Variants in TEX11 observed in about 807,000 individuals in gnomAD.
The protein encoded by TEX11 is testis expressed 11.
Under a neutral mutation model 84.4 loss-of-function variants are expected in TEX11, and 7 were observed. The observed-to-expected ratio is 0.08, with a 90% CI of 0.05 to 0.16. TEX11 has a LOEUF of 0.16. TEX11 is among the 10% of genes least tolerant of loss of function. The probability of loss-of-function intolerance (pLI) is 1.00; values close to 1 mark genes in which losing one functional copy is unlikely to be tolerated. For synonymous variants in TEX11, 264 were observed against 222.8 expected (o/e 1.18, Z -1.64); for missense variants, 551 against 660.5 (o/e 0.83, Z 1.82).
the TEX11 span, among the ~76,000 whole-genome samples, chrX:70,521,080 C>T: frequency 9.9e-5 from 11 of 111,387 alleles, no homozygotes; most frequent in African/African-American, 3.6e-4. Flanking sequence ...TCCCCTGACC[C>T]CTTGTGCTTC....
intron 13 of TEX11, among the ~76,000 whole-genome samples, chrX:70,699,430 A>G (rs1370526336): frequency 1.8e-5 from 2 of 111,340 alleles, no homozygotes; most frequent in Non-Finnish European, 3.8e-5. Context: ...CAAAGACCCA[A>G]CGAAATCCCA....
intron 3 of TEX11, among the ~76,000 whole-genome samples, chrX:70,879,178 T>C (rs1232093545): frequency 1.8e-5 from 2 of 110,766 alleles, no homozygotes; most frequent in East Asian, 5.6e-4. Context: ...CGGTTTCTTT[T>C]TGAGGTGATG....
chrX:70,552,361 T>C, intron 27 of TEX11, 115 bp from the exon 28 acceptor site: 1 of 938,474 alleles, frequency 1.1e-6, no homozygotes, highest in East Asian at 3.4e-5. Context: ...ACACTTCTGT[T>C]CTTCCCTCGG....
intron 7 of TEX11, among the ~76,000 whole-genome samples, chrX:70,842,537 C>A (rs1030939747): frequency 8.9e-6 from 1 of 111,983 alleles, no homozygotes; most frequent in Non-Finnish European, 1.9e-5. Flanking sequence ...ACTGAATGGG[C>A]AAACACTGGA....
intron 16 of TEX11, among the ~76,000 whole-genome samples, chrX:70,658,537 C>A (rs1160947698): frequency 2.7e-5 from 3 of 111,240 alleles, no homozygotes; most frequent in Non-Finnish European, 5.7e-5. Flanking sequence ...TGAAGACTAA[C>A]AAGAAGAAAG....
downstream of TEX11, among the ~76,000 whole-genome samples, chrX:70,524,582 T>A (rs745639077): frequency 6.0e-4 from 68 of 112,887 alleles, no homozygotes; most frequent in Admixed American, 1.1e-3. Flanking sequence ...TGTTTGTTTT[T>A]TTGAGATGGA....
chrX:70,697,384 T>C (rs2090289304), intron 13 of TEX11, among the ~76,000 whole-genome samples: 1 of 111,849 alleles, frequency 8.9e-6, no homozygotes, highest in Non-Finnish European at 1.9e-5. Flanking sequence ...TGAGGTCGCA[T>C]GGTCATTTAG....
chrX:70,575,624 C>A (rs909197297), intron 25 of TEX11, among the ~76,000 whole-genome samples: 1 of 111,452 alleles, frequency 9.0e-6, no homozygotes, highest in Non-Finnish European at 1.9e-5. Flanking sequence ...GATCCTTGAC[C>A]GTAGACTTCC....
At position 70,860,899 on chromosome X, in the gene TEX11, T is replaced by C; in HGVS notation, c.282A>G (p.Glu94=). 1 of 1,192,236 alleles carries C rather than the reference T, an allele frequency of 8.4e-7. No individual in the cohort carries two copies. Among genetic ancestry groups the C allele is most frequent in the African/African-American group, 1.8e-5 (1 of 56,463 alleles). The change falls in exon 5 of 30, where the codon GAA becomes GAG. Residue 94 remains glutamate, a synonymous_variant. Transcript: ENST00000374333. ...YVACKLLSMC[E]ASFASEQSIQ... ...TACTTTGTTCTGAGGCAAATGAGGC[T>C]TCACACATACTCAGCAACTTGCAAG...
chrX:70,860,445 G>A (rs6625698), intron 5 of TEX11, among the ~76,000 whole-genome samples: 43,061 of 110,305 alleles, frequency 0.39, 6,893 homozygotes, highest in East Asian at 0.56. Flanking sequence ...GCTAGTAAGC[G>A]GCAGACCTAA....
At chrX:70,876,919 A>G (rs1008504761) in intron 3 of TEX11, among the ~76,000 whole-genome samples, 27 of 111,059 alleles carry the variant, frequency 2.4e-4, no homozygotes, top group African/African-American at 8.8e-4. Flanking sequence ...AAACAAACAA[A>G]CAAACAAACA....
chrX:70,857,472 C>A, intron 5 of TEX11: 1 of 179,243 alleles, frequency 5.6e-6, no homozygotes. Flanking sequence ...TCTGAAGTCA[C>A]CTCAGAGTAA....
chrX:70,656,186 G>T (rs1175593666), intron 16 of TEX11, among the ~76,000 whole-genome samples: 2 of 108,963 alleles, frequency 1.8e-5, no homozygotes, highest in Non-Finnish European at 3.8e-5. Flanking sequence ...CACTTTGGGA[G>T]GCTGAGGTGA....
chrX:70,610,521 A>G lies in TEX11; in HGVS notation c.1774T>C (p.Leu592=), dbSNP rs143175186. ...EDKKKEMDRL[L]TCLNRAFVKL... Reference sequence around the variant, plus strand: ...TATTTACCTCTATTCAGGCAAGTCAAAAGTCGATCCATTTCTTTCTTCCTA... The same window carrying G: ...TATTTACCTCTATTCAGGCAAGTCAGAAGTCGATCCATTTCTTTCTTCCTA... The change falls in exon 21 of 30, where the codon TTG becomes CTG. Residue 592 remains leucine, a synonymous_variant. Coordinates refer to ENST00000374333, the MANE Select transcript of TEX11 (RefSeq NM_031276.3). 6.5e-5 allele frequency: 79 copies of G among 1,206,115 alleles called. No individual in the cohort carries two copies. Among genetic ancestry groups the G allele is most frequent in the Non-Finnish European group, 8.3e-5 (74 of 893,165 alleles).
At chrX:70,696,778 C>G (rs1277386495) in intron 13 of TEX11, among the ~76,000 whole-genome samples, 2 of 107,478 alleles carry the variant, frequency 1.9e-5, no homozygotes, top group African/African-American at 3.6e-5. Context: ...CAAAAACAAA[C>G]GAACAAACAA....
intron 2 of TEX11, among the ~76,000 whole-genome samples, chrX:70,898,093 A>G (rs1311607129): frequency 9.0e-6 from 1 of 111,693 alleles, no homozygotes; most frequent in Admixed American, 9.6e-5. Flanking sequence ...TCTTGCTAGG[A>G]ATATAAAGAT....
intron 8 of TEX11, among the ~76,000 whole-genome samples, chrX:70,823,998 C>T (rs143173020): frequency 0.011 from 1,248 of 111,070 alleles, 14 homozygotes; most frequent in African/African-American, 0.037. Flanking sequence ...CCAGCCTGGG[C>T]GACATAGTGA....
intron 8 of TEX11, among the ~76,000 whole-genome samples, chrX:70,832,713 A>G (rs1174166511): frequency 8.9e-6 from 1 of 111,886 alleles, no homozygotes; most frequent in Non-Finnish European, 1.9e-5. Context: ...TGGAAAGGGA[A>G]GATAAAATGA....
chrX:70,820,615 A>G (rs1025084247), intron 8 of TEX11, among the ~76,000 whole-genome samples: 6 of 111,686 alleles, frequency 5.4e-5, no homozygotes, highest in Non-Finnish European at 1.1e-4. Context: ...AGCCTCAGGA[A>G]GGCAAAGGGG....
Sources: gnomAD v4.1 joint callset for allele counts (sites outside exome capture counted in the v4.1 genomes callset) on GRCh38, gnomAD v4.1.1 for gene constraint, MANE v1.5 for transcripts, NCBI Gene and HGNC (gene_info 2026-07-23, HGNC 2026-07-21) for gene names.